ITGA8: variants seen among roughly 807,000 people sequenced by gnomAD.
ITGA8 encodes the protein integrin alpha-8.
A neutral mutation model predicts 142.3 loss-of-function variants in ITGA8; 91 were observed. The ratio of observed to expected loss-of-function variants is 0.64; its 90% CI spans 0.54 to 0.76. The LOEUF is 0.76. ITGA8 is among the 30% of genes least tolerant of loss of function. The probability of loss-of-function intolerance (pLI) is 0.00; values close to 1 mark genes in which losing one functional copy is unlikely to be tolerated. For missense variants in ITGA8, 1,406 were observed against 1,327.7 expected, an observed-to-expected ratio of 1.06 and a Z score of -0.92; for synonymous variants, 505 against 485.2, an observed-to-expected ratio of 1.04 and a Z score of -0.54.
chr10:15,608,679 C>A (rs540051306), intron 15 of ITGA8, among the ~76,000 whole-genome samples: 5 of 152,244 alleles, frequency 3.3e-5, no homozygotes, highest in African/African-American at 1.2e-4. Context: ...GAGTAAGAAT[C>A]TGGACCCATT....
At chr10:15,540,249 C>G (rs964574474) in intron 27 of ITGA8, among the ~76,000 whole-genome samples, 1 of 152,066 alleles carries the variant, frequency 6.6e-6, no homozygotes, top group African/African-American at 2.4e-5. Flanking sequence ...TCCTTCTGAC[C>G]GTATTTTTGT....
Position 15,517,033 on chromosome 10 carries a change from GGGTCCCC to G in ITGA8, c.*118_*124del. On this transcript the variant is annotated 3_prime_UTR_variant, in exon 30 of 30. Coordinates refer to ENST00000378076, the MANE Select transcript of ITGA8 (RefSeq NM_003638.3). ...CGGTGTAGATGAGGTGATGTTTCCA[GGGTCCCC>G]TCCATTTCCTGGGTCACTGTCAGGT... is the stretch of plus-strand genomic sequence containing the variant. 2.0e-6 allele frequency: 1 copy of G among 497,088 alleles called. No individual in the cohort carries two copies. Among genetic ancestry groups the G allele is most frequent in the Admixed American group, 4.0e-5 (1 of 24,924 alleles). The allele number at this position is 497,088 out of a possible 1,614,324, so 30.8% of individuals were successfully genotyped here.
chr10:15,719,721 G>C lies in ITGA8; in HGVS notation c.51C>G (p.Ile17Met). 1 of 1,394,412 alleles carries C rather than the reference G, an allele frequency of 7.2e-7. No homozygotes were observed. Among genetic ancestry groups the C allele is most frequent in the Non-Finnish European group, 9.2e-7 (1 of 1,081,426 alleles). The allele number at this position is 1,394,412 out of a possible 1,614,324, so 86.4% of individuals were successfully genotyped here. The change falls in exon 1 of 30, where the codon ATC becomes ATG. Residue 17 changes from isoleucine to methionine, a missense_variant. Ile to Met is a conservative substitution (Grantham distance 10, BLOSUM62 1). Coordinates refer to ENST00000378076, the MANE Select transcript of ITGA8 (RefSeq NM_003638.3). ...CGGCCGCGGCGCAGCAGAGGGGCGC[G>C]ATCAGCGGCGCCTGGCTTCCCCGGG... is the stretch of plus-strand genomic sequence containing the variant. The part of the protein sequence containing the change: ...RGPRGSQAPL[I>M]APLCCAAAAL...
intron 25 of ITGA8, among the ~76,000 whole-genome samples, chr10:15,568,995 T>G (rs768115857): frequency 2.0e-4 from 30 of 152,130 alleles, no homozygotes; most frequent in Non-Finnish European, 4.0e-4. Context: ...ACCTCTAAAA[T>G]GCTTCTTAGG....
intron 19 of ITGA8, among the ~76,000 whole-genome samples, chr10:15,605,252 CCTT>C (rs1564370957): frequency 1.3e-5 from 2 of 152,118 alleles, no homozygotes; most frequent in South Asian, 2.1e-4. Context: ...TTTTGTGACA[CCTT>C]CTGCTTTACT....
chr10:15,550,047 G>T (rs879221880), intron 26 of ITGA8, among the ~76,000 whole-genome samples: 1 of 152,128 alleles, frequency 6.6e-6, no homozygotes, highest in Non-Finnish European at 1.5e-5. Flanking sequence ...GGTGGGACCT[G>T]GTGAGGGATA....
rs1405925427 is a variant in ITGA8 at position 15,613,645 on chromosome 10, A to G, written c.1553+15T>C. On this transcript the variant is annotated intron_variant, in intron 15 of 29. Coordinates refer to ENST00000378076, the MANE Select transcript of ITGA8 (RefSeq NM_003638.3). ...GAATTCACATTGGAGTTTGAGAAGC[A>G]CCGGACTAACTCACCAGGCAGCAGA... 6.6e-7 allele frequency: 1 copy of G among 1,525,920 alleles called. No homozygotes were observed. Among genetic ancestry groups the G allele is most frequent in the South Asian group, 1.1e-5 (1 of 89,098 alleles). The allele number at this position is 1,525,920 out of a possible 1,614,324, so 94.5% of individuals were successfully genotyped here.
chr10:15,546,318 T>TTTC (rs1370811938), intron 27 of ITGA8, among the ~76,000 whole-genome samples: 4 of 152,222 alleles, frequency 2.6e-5, no homozygotes, highest in African/African-American at 4.8e-5. Flanking sequence ...TTCACAGCTA[T>TTTC]TTCTCCTATA....
intron 27 of ITGA8, among the ~76,000 whole-genome samples, chr10:15,539,487 C>T (rs1833524732): frequency 6.6e-6 from 1 of 152,052 alleles, no homozygotes; most frequent in Admixed American, 6.6e-5. Context: ...GAAGCTGAGC[C>T]AGTATGACCC....
rs941167822 is a variant in ITGA8, at chr10:15,694,271, T to C, written c.344-6233A>G. Among the ~76,000 whole-genome samples the C allele has an allele frequency of 1.7e-3, 158 of 94,754 alleles. 4 individuals are homozygous for C. The highest frequency in any genetic ancestry group is 5.4e-3 in the African/African-American group (150 of 27,766). 62.2% of individuals were successfully genotyped at this position (94,754 alleles called of 152,430 possible). On this transcript the variant is annotated intron_variant, in intron 2 of 29. Coordinates refer to ENST00000378076, the MANE Select transcript of ITGA8 (RefSeq NM_003638.3). ...ATATGATAACATATACATCAGATAATATATCATACATCAGATAATATATCA... is the reference window on the plus strand; with the variant it reads ...ATATGATAACATATACATCAGATAACATATCATACATCAGATAATATATCA...
In ITGA8 at chr10:15,672,662, G is replaced by T. The variant is rs587777281; in HGVS notation, c.764C>A (p.Thr255Lys). ...ATCATAGGAAGCTGGAGCCACTTCCGTCTGCTTTTCTCCTGCCAGTTTCCT... is the reference window on the plus strand; with the variant it reads ...ATCATAGGAAGCTGGAGCCACTTCCTTCTGCTTTTCTCCTGCCAGTTTCCT... The part of the protein sequence containing the change: ...ILRKLAGEKQ[T>K]EVAPASYDDS... The change falls in exon 7 of 30, where the codon ACG (threonine) becomes AAG (lysine). Residue 255 changes from threonine to lysine, a missense_variant. Thr to Lys is a moderately conservative substitution (Grantham distance 78). Coordinates refer to ENST00000378076, the MANE Select transcript of ITGA8 (RefSeq NM_003638.3). 1 of 1,613,748 alleles carries T rather than the reference G, an allele frequency of 6.2e-7. No individual in the cohort carries two copies. The highest frequency in any genetic ancestry group is 8.5e-7 in the Non-Finnish European group (1 of 1,179,812).
chr10:15,616,807 A>G (rs545762702), intron 13 of ITGA8, among the ~76,000 whole-genome samples: 34 of 152,312 alleles, frequency 2.2e-4, no homozygotes, highest in African/African-American at 7.0e-4. Flanking sequence ...CAATTTCTAG[A>G]AACTCATCAT....
intron 13 of ITGA8, among the ~76,000 whole-genome samples, chr10:15,634,462 C>T (rs1833736905): frequency 6.6e-6 from 1 of 151,992 alleles, no homozygotes; most frequent in Admixed American, 6.6e-5. Context: ...AACTGAGACT[C>T]CAGAAAGTTG....
chr10:15,677,251 C>T (rs1451405753), intron 6 of ITGA8, among the ~76,000 whole-genome samples: 1 of 152,070 alleles, frequency 6.6e-6, no homozygotes, highest in African/African-American at 2.4e-5. Flanking sequence ...TAGTTAACAA[C>T]AATTTATCTC....
intron 11 of ITGA8, among the ~76,000 whole-genome samples, chr10:15,651,218 G>A (rs772085537): frequency 6.6e-6 from 1 of 152,102 alleles, no homozygotes. Flanking sequence ...ATATTTGCTT[G>A]TTTAGGCACG....
chr10:15,568,575 T>C, intron 25 of ITGA8, among the ~76,000 whole-genome samples: 1 of 152,222 alleles, frequency 6.6e-6, no homozygotes, highest in Middle Eastern at 3.2e-3. Context: ...AGTTATGTTG[T>C]ATTTGGAGTG....
chr10:15,607,464 G>T (rs1015035744), intron 17 of ITGA8, among the ~76,000 whole-genome samples: 1 of 152,168 alleles, frequency 6.6e-6, no homozygotes, highest in Non-Finnish European at 1.5e-5. Flanking sequence ...AAAATGAAAA[G>T]AAGCCTTAGA....
intron 6 of ITGA8, among the ~76,000 whole-genome samples, chr10:15,675,989 T>G (rs1036869000): frequency 1.3e-5 from 2 of 152,334 alleles, no homozygotes; most frequent in Non-Finnish European, 2.9e-5. Context: ...TAATTTATGG[T>G]AAAAATATCA....
chr10:15,704,731 T>C (rs772657853), intron 2 of ITGA8, among the ~76,000 whole-genome samples: 6 of 152,188 alleles, frequency 3.9e-5, no homozygotes, highest in Non-Finnish European at 7.4e-5. Context: ...AATGAAAACC[T>C]CTCAGCATGG....
Sources: allele counts gnomAD v4.1 joint callset (sites outside exome capture counted in the v4.1 genomes callset), GRCh38; gene constraint gnomAD v4.1.1; transcripts MANE v1.5; gene names NCBI Gene and HGNC (gene_info 2026-07-23, HGNC 2026-07-21).